The following IMPG1 variants were observed in gnomAD, a reference collection of about 807,000 sequenced individuals.
IMPG1 encodes the protein interphotoreceptor matrix proteoglycan 1.
Under a neutral mutation model 92.0 loss-of-function variants are expected in IMPG1, and 85 were observed. The ratio of observed to expected loss-of-function variants is 0.92; its 90% CI spans 0.78 to 1.11. The LOEUF (loss-of-function observed/expected upper bound fraction) is 1.11. Among genes scored for constraint, IMPG1 ranks in the 50% least tolerant of loss-of-function variants. The pLI, the probability that IMPG1 is intolerant of heterozygous loss-of-function variation, is 0.00. For synonymous variants in IMPG1, 367 were observed against 334.1 expected (o/e 1.10, Z -1.08); for missense variants, 1,022 against 956.0 (o/e 1.07, Z -0.91).
intron 12 of IMPG1, among the ~76,000 whole-genome samples, chr6:76,000,538 T>A (rs1277590462): frequency 2.0e-5 from 3 of 152,178 alleles, no homozygotes; most frequent in South Asian, 2.1e-4. Flanking sequence ...ATTAAAAAAA[T>A]TTAATGATAA....
At chr6:75,939,895 A>G (rs1781810038) in intron 14 of IMPG1, among the ~76,000 whole-genome samples, 1 of 152,154 alleles carries the variant, frequency 6.6e-6, no homozygotes, top group Admixed American at 6.5e-5. Flanking sequence ...GTCCGTTTCC[A>G]TTTCATTCTA....
chr6:76,071,871 A>G (rs1036508013), intron 1 of IMPG1, among the ~76,000 whole-genome samples: 1 of 152,104 alleles, frequency 6.6e-6, no homozygotes, highest in African/African-American at 2.4e-5. Context: ...CCATAAGAAC[A>G]TACATTGCCT....
In IMPG1 at chr6:76,013,905, C is replaced by T. The variant is rs186711705; in HGVS notation, c.808-2681G>A. ...CTGCATTACAAATTTTTTCCCCCAG[C>T]AGACTGATTTACCTTCTAATTATAT... On this transcript the variant is annotated intron_variant, in intron 7 of 16. Transcript: ENST00000369950. 3.1e-3 allele frequency among the ~76,000 whole-genome samples: 478 copies of T among 152,302 alleles called. 12 individuals are homozygous for T. The highest frequency in any genetic ancestry group is 1.7e-3 in the South Asian group (8 of 4,820).
Position 75,947,493 on chromosome 6 carries a change from T to G in IMPG1, c.1865A>C (p.Gln622Pro). The G allele has an allele frequency of 6.2e-7, 1 of 1,613,828 alleles. No individual in the cohort carries two copies. The highest frequency in any genetic ancestry group is 8.5e-7 in the Non-Finnish European group (1 of 1,179,824). The change falls in exon 14 of 17, where the codon CAA becomes CCA. Residue 622 changes from glutamine (Q) to proline (P), a missense_variant. By Grantham distance (76) the Gln-to-Pro change is moderately conservative. Around this residue, in one of 3 missense-constraint regions of IMPG1, gnomAD observed 332 missense variants for 346.2 expected, o/e 0.96. Transcript: ENST00000369950. ...YLRSNLTGFK[Q>P]LEILNFRNGS... Reference sequence around the variant, plus strand: ...GTTTCTGAAGTTAAGTATTTCAAGTTGCTTAAATCCTGTAAGATTGGATCG... The same window carrying G: ...GTTTCTGAAGTTAAGTATTTCAAGTGGCTTAAATCCTGTAAGATTGGATCG...
chr6:76,044,484 T>C (rs1783900936), intron 1 of IMPG1, among the ~76,000 whole-genome samples: 1 of 152,136 alleles, frequency 6.6e-6, no homozygotes, highest in South Asian at 2.1e-4. Context: ...CCTGGTCCTG[T>C]TCCGTACCTT....
chr6:76,041,965 C>G lies in IMPG1; in HGVS notation c.229G>C (p.Gly77Arg). ...RTKRSAFFPTGVKVCPQESMK... is the reference protein window; with the variant it reads ...RTKRSAFFPTRVKVCPQESMK... ...GATTCCTGTGGACAGACTTTAACCC[C>G]CGTTGGGAAAAATGCGGATCTTTTT... is the stretch of plus-strand genomic sequence containing the variant. The change falls in exon 2 of 17, where the codon GGG (glycine) becomes CGG (arginine). Residue 77 changes from glycine (G) to arginine (R), a missense_variant. Around this residue, in one of 3 missense-constraint regions of IMPG1, gnomAD observed 681 missense variants for 583.6 expected, o/e 1.17. Coordinates refer to ENST00000369950, the MANE Select transcript of IMPG1 (RefSeq NM_001563.4). 6.2e-7 allele frequency: 1 copy of G among 1,613,988 alleles called. No homozygotes were observed. Among genetic ancestry groups the G allele is most frequent in the Non-Finnish European group, 8.5e-7 (1 of 1,179,934 alleles).
Position 76,011,394 on chromosome 6 carries a change from T to C in IMPG1, c.808-170A>G, listed in dbSNP as rs3818469. Among the ~76,000 whole-genome samples the C allele has an allele frequency of 1.6e-4, 24 of 152,170 alleles. No homozygotes were observed. The East Asian group carries it at 4.1e-3, about 26-fold the overall frequency. ...AAATTGATCAGATGAAAAAGAAAAA[T>C]TGAAACAACTAAGGAGGCCAAACTC... On this transcript the variant is annotated intron_variant, in intron 7 of 16. Transcript: ENST00000369950.
At chr6:76,065,930 G>A (rs1246677104) in intron 1 of IMPG1, among the ~76,000 whole-genome samples, 5 of 152,058 alleles carry the variant, frequency 3.3e-5, no homozygotes, top group African/African-American at 1.2e-4. Flanking sequence ...TTTTCAGACT[G>A]CATAAAGAAA....
chr6:76,013,204 G>A (rs1783220696), intron 7 of IMPG1, among the ~76,000 whole-genome samples: 1 of 151,922 alleles, frequency 6.6e-6, no homozygotes. Flanking sequence ...GTTCATTGCT[G>A]GACCCATTGA....
chr6:76,007,066 T>C (rs1783110916), intron 9 of IMPG1, among the ~76,000 whole-genome samples: 1 of 152,204 alleles, frequency 6.6e-6, no homozygotes, highest in African/African-American at 2.4e-5. Flanking sequence ...CACATTGACC[T>C]TGGAAAGGAG....
intron 12 of IMPG1, among the ~76,000 whole-genome samples, chr6:75,988,741 C>T (rs1168270142): frequency 6.6e-6 from 1 of 152,156 alleles, no homozygotes; most frequent in Non-Finnish European, 1.5e-5. Flanking sequence ...TCCTCTTTCC[C>T]ACCTCAGGTT....
rs1457656443 is a variant in IMPG1 at position 76,005,300 on chromosome 6, A to G, written c.1122T>C (p.Ile374=). 6.2e-7 allele frequency: 1 copy of G among 1,613,996 alleles called. No homozygotes were observed. The highest frequency in any genetic ancestry group is 1.1e-5 in the South Asian group (1 of 91,076). Residue 374 remains isoleucine (I), a synonymous_variant, in exon 10 of 17, where the codon ATT becomes ATC. Transcript: ENST00000369950. ...EEEQSLDVGT[I]QFTDEIAGSL... Reference sequence around the variant, plus strand: ...TCATTAACTGACCATCAGTGAACTGAATTGTCCCCACATCCAAAGATTGTT... The same window carrying G: ...TCATTAACTGACCATCAGTGAACTGGATTGTCCCCACATCCAAAGATTGTT...
intron 12 of IMPG1, among the ~76,000 whole-genome samples, chr6:75,994,234 G>C (rs1191424336): frequency 1.3e-5 from 2 of 152,190 alleles, no homozygotes; most frequent in East Asian, 3.8e-4. Context: ...CTCTAAATCA[G>C]GATGTGTAGG....
At chr6:76,054,932 A>T (rs1287362905) in intron 1 of IMPG1, among the ~76,000 whole-genome samples, 1 of 152,148 alleles carries the variant, frequency 6.6e-6, no homozygotes, top group African/African-American at 2.4e-5. Flanking sequence ...AATATATAAT[A>T]CAAAGGTTGA....
At chr6:75,932,866 A>G (rs1398305794) in intron 14 of IMPG1, among the ~76,000 whole-genome samples, 2 of 151,968 alleles carry the variant, frequency 1.3e-5, no homozygotes, top group South Asian at 4.2e-4. Context: ...ATGCCCAGCT[A>G]ATTTTTGTAT....
At chr6:76,031,992 C>T (rs1326172) in intron 4 of IMPG1, among the ~76,000 whole-genome samples, 94,917 of 152,110 alleles carry the variant, frequency 0.62, 29,912 homozygotes, top group Non-Finnish European at 0.64. Flanking sequence ...TCATTTGAAA[C>T]TGGCAGACTT....
chr6:76,026,307 G>A (rs189880275), intron 4 of IMPG1, among the ~76,000 whole-genome samples: 414 of 152,220 alleles, frequency 2.7e-3, no homozygotes, highest in Middle Eastern at 0.01. Context: ...ATTTTTTGGC[G>A]CCCAACGTGG....
intron 15 of IMPG1, among the ~76,000 whole-genome samples, 197 bp from the exon 16 acceptor site, chr6:75,923,903 A>G (rs1233590977): frequency 6.6e-6 from 1 of 152,122 alleles, no homozygotes; most frequent in Admixed American, 6.5e-5. Flanking sequence ...TAGTTGGCTT[A>G]CTATTTCTTA....
At position 75,979,089 on chromosome 6, in the gene IMPG1, C is replaced by T. The variant is rs58806982; in HGVS notation, c.1291+23829G>A. 2.1e-3 allele frequency among the ~76,000 whole-genome samples: 310 copies of T among 150,820 alleles called. 1 individual carries two copies. Among genetic ancestry groups the T allele is most frequent in the African/African-American group, 7.2e-3 (297 of 41,124 alleles). ...CACCATACCTACCTATTTTTTTTTT[C>T]TACTTTTTGTACAGACAGGGTTTCA... On this transcript the variant is annotated intron_variant, in intron 12 of 16. Transcript: ENST00000369950.
Sources: gnomAD v4.1 joint callset for allele counts (sites outside exome capture counted in the v4.1 genomes callset) on GRCh38, gnomAD v4.1.1 for gene constraint, gnomAD v4.1.1 regional missense constraint, MANE v1.5 for transcripts, NCBI Gene and HGNC (gene_info 2026-07-23, HGNC 2026-07-21) for gene names.